The following LINGO1 variants were observed in gnomAD, a reference collection of about 807,000 sequenced individuals.
LINGO1 encodes the protein leucine rich repeat and Ig domain containing 1.
LINGO1 carries 11 observed loss-of-function variants against 37.3 expected under a neutral mutation model. The observed-to-expected ratio is 0.29, with a 90% CI of 0.19 to 0.49. The LOEUF (loss-of-function observed/expected upper bound fraction) is 0.49, where lower values mean the gene tolerates loss of function less well. Among genes scored for constraint, LINGO1 ranks in the 20% least tolerant of loss-of-function variants. LINGO1 has a pLI of 0.99. For synonymous variants in LINGO1, 387 were observed against 403.0 expected, an observed-to-expected ratio of 0.96 and a Z score of 0.48; for missense variants, 585 against 878.2, an observed-to-expected ratio of 0.67 and a Z score of 4.22.
In LINGO1 at chr15:77,679,376, T is replaced by A. The variant is rs191708946; in HGVS notation, c.-98-2202A>T. On this transcript the variant is annotated intron_variant, in intron 2 of 3. Transcript: ENST00000559893. Reference sequence around the variant, plus strand: ...GTGAAAGCAGAGACCTTGGTATTTATTCCCCCAATACCTAGAATAGCATCT... The same window carrying A: ...GTGAAAGCAGAGACCTTGGTATTTAATCCCCCAATACCTAGAATAGCATCT... Among the ~76,000 whole-genome samples the A allele has an allele frequency of 5.1e-4, 77 of 152,340 alleles. No homozygotes were observed. In the East Asian group the frequency reaches 0.012, roughly 23 times the overall value.
intron 1 of LINGO1, among the ~76,000 whole-genome samples, chr15:77,802,022 A>G (rs1403258020): frequency 6.6e-6 from 1 of 152,158 alleles, no homozygotes; most frequent in Non-Finnish European, 1.5e-5. Context: ...AAACTCCAGG[A>G]AAGGGGGCTT....
chr15:77,776,552 G>GCA (rs2076656136), intron 1 of LINGO1, among the ~76,000 whole-genome samples: 1 of 145,318 alleles, frequency 6.9e-6, no homozygotes, highest in African/African-American at 2.6e-5. Flanking sequence ...GAGGGAGGGA[G>GCA]GGAGGGAGCT....
At chr15:77,627,249 G>C (rs1421789722) in intron 1 of LINGO1, among the ~76,000 whole-genome samples, 1 of 152,094 alleles carries the variant, frequency 6.6e-6, no homozygotes, top group East Asian at 1.9e-4. Flanking sequence ...GCCAGCCCCG[G>C]TGCTCGTCTT....
chr15:77,759,761 C>A (rs2076456262), intron 1 of LINGO1, among the ~76,000 whole-genome samples: 1 of 152,242 alleles, frequency 6.6e-6, no homozygotes, highest in Admixed American at 6.5e-5. Context: ...CTCTGTAAAT[C>A]TTGCTCTAAT....
rs529553881 is a variant in LINGO1, at chr15:77,776,847, C to T, written c.-257+10022G>A. Among the ~76,000 whole-genome samples the T allele has an allele frequency of 4.6e-5, 7 of 152,306 alleles. No individual in the cohort carries two copies. The South Asian group carries it at 8.3e-4, about 18-fold the overall frequency. On this transcript the variant is annotated intron_variant, in intron 1 of 3. Transcript: ENST00000561686. ...AACTAATATAAGCCTCATTAGACCC[C>T]ATGAGGTCAGCACTGCTAATACACT...
At chr15:77,736,285 A>C (rs2076203294) in intron 1 of LINGO1, among the ~76,000 whole-genome samples, 1 of 152,168 alleles carries the variant, frequency 6.6e-6, no homozygotes, top group African/African-American at 2.4e-5. Context: ...GTGCACCTGC[A>C]TTCCTCACTT....
chr15:77,812,993 C>T (rs2077018193), intron 1 of LINGO1, among the ~76,000 whole-genome samples: 1 of 152,344 alleles, frequency 6.6e-6, no homozygotes, highest in South Asian at 2.1e-4. Flanking sequence ...CCAAGGGAGG[C>T]ACTGCATGAC....
intron 2 of LINGO1, among the ~76,000 whole-genome samples, chr15:77,722,361 G>T (rs1462483648): frequency 2.0e-5 from 3 of 152,236 alleles, no homozygotes; most frequent in African/African-American, 7.2e-5. Flanking sequence ...TAGGGCCACA[G>T]GGCGTGGCAA....
At chr15:77,749,823 T>G (rs2076352939) in intron 1 of LINGO1, among the ~76,000 whole-genome samples, 2 of 152,150 alleles carry the variant, frequency 1.3e-5, no homozygotes, top group Non-Finnish European at 2.9e-5. Context: ...TGGCTGGGCA[T>G]GTCTGGAGCC....
chr15:77,631,745 A>G (rs529424062), intron 1 of LINGO1, among the ~76,000 whole-genome samples: 1 of 152,160 alleles, frequency 6.6e-6, no homozygotes, highest in South Asian at 2.1e-4. Context: ...CCGGTCCCCA[A>G]CTCCCTTCCT....
At chr15:77,784,855 G>C (rs1303873938) in intron 1 of LINGO1, 1 of 152,044 alleles carries the variant, frequency 6.6e-6, no homozygotes, top group Non-Finnish European at 1.5e-5. Flanking sequence ...AGCGCTGTGT[G>C]GCATTGGATC....
At chr15:77,625,599 C>T (rs1313645555) in intron 1 of LINGO1, among the ~76,000 whole-genome samples, 1 of 152,180 alleles carries the variant, frequency 6.6e-6, no homozygotes, top group East Asian at 1.9e-4. Flanking sequence ...ATCTCCATAA[C>T]CACCCTAAGA....
chr15:77,660,831 G>A (rs1209731745), intron 3 of LINGO1, among the ~76,000 whole-genome samples: 1 of 152,058 alleles, frequency 6.6e-6, no homozygotes, highest in Non-Finnish European at 1.5e-5. Flanking sequence ...GCAGGGATGA[G>A]ATCCCTGCCT....
intron 2 of LINGO1, among the ~76,000 whole-genome samples, chr15:77,730,582 A>G (rs1041425033): frequency 6.6e-6 from 1 of 152,224 alleles, no homozygotes; most frequent in Non-Finnish European, 1.5e-5. Flanking sequence ...AGACTGGTCC[A>G]GACTCTCTTT....
At chr15:77,634,284 C>T (rs2074350232), upstream of LINGO1, 1 of 455,992 alleles carries the variant, frequency 2.2e-6, no homozygotes, top group Admixed American at 2.3e-5. Context: ...ACCTTCTGTT[C>T]CAGCTGCACC....
chr15:77,794,598 T>A (rs1415938019), intron 2 of LINGO1, among the ~76,000 whole-genome samples: 11 of 143,706 alleles, frequency 7.7e-5, no homozygotes, highest in African/African-American at 2.8e-4. Flanking sequence ...ATATTTTTTT[T>A]TTTTTTTGAG....
At chr15:77,664,885 G>A (rs2075096591) in intron 3 of LINGO1, among the ~76,000 whole-genome samples, 1 of 152,192 alleles carries the variant, frequency 6.6e-6, no homozygotes, top group Non-Finnish European at 1.5e-5. Context: ...CACACATACA[G>A]ATACAGAATT....
upstream of LINGO1, among the ~76,000 whole-genome samples, chr15:77,696,980 G>A (rs573585664): frequency 6.6e-6 from 1 of 152,382 alleles, no homozygotes; most frequent in Non-Finnish European, 1.5e-5. Context: ...AGGGGTCTGC[G>A]AGAGCAGGGT....
At chr15:77,664,295 T>C (rs1211449113) in intron 3 of LINGO1, among the ~76,000 whole-genome samples, 1 of 152,062 alleles carries the variant, frequency 6.6e-6, no homozygotes, top group African/African-American at 2.4e-5. Flanking sequence ...CTGTCACTAA[T>C]AGCTGAAATA....
Sources: allele counts gnomAD v4.1 joint callset (sites outside exome capture counted in the v4.1 genomes callset), GRCh38; gene constraint gnomAD v4.1.1; transcripts MANE v1.5; gene names NCBI Gene and HGNC (gene_info 2026-07-23, HGNC 2026-07-21).